MRE11: variants seen among roughly 807,000 people sequenced by gnomAD.
MRE11 encodes the protein MRE11 double strand break repair nuclease.
MRE11 carries 62 observed loss-of-function variants against 91.7 expected under a neutral mutation model. The observed-to-expected ratio is 0.68, with a 90% CI of 0.55 to 0.84. MRE11 has a LOEUF of 0.84. Ranked by LOEUF, MRE11 falls within the 40% of genes least tolerant of loss-of-function variation. The pLI, the probability that MRE11 is intolerant of heterozygous loss-of-function variation, is 0.00. For synonymous variants in MRE11, 273 were observed against 271.4 expected, an observed-to-expected ratio of 1.01 and a Z score of -0.06; for missense variants, 796 against 852.9, an observed-to-expected ratio of 0.93 and a Z score of 0.83.
chr11:94,419,443 G>C lies in MRE11; in HGVS notation c.*682C>G. 4.4e-6 allele frequency: 1 copy of C among 229,528 alleles called. No homozygotes were observed. The highest frequency in any genetic ancestry group is 6.1e-5 in the East Asian group (1 of 16,376). The allele number at this position is 229,528 out of a possible 1,614,324, so 14.2% of individuals were successfully genotyped here. On this transcript the variant is annotated 3_prime_UTR_variant, in exon 20 of 20. Transcript: ENST00000323929. ...GAAGAAAAAGCAAAGGAGAAAGGAA[G>C]AGTGGGGAACGGGGGGGAGAGGGAG...
chr11:94,498,348 A>G (rs1294331063), upstream of MRE11: 2 of 1,613,522 alleles, frequency 1.2e-6, no homozygotes, highest in African/African-American at 1.3e-5. Context: ...ACCCCCTTGC[A>G]TCTTGCTGCT....
At chr11:94,471,352 C>G (rs1357304106) in intron 8 of MRE11, among the ~76,000 whole-genome samples, 2 of 151,910 alleles carry the variant, frequency 1.3e-5, no homozygotes, top group South Asian at 4.1e-4. Context: ...GCCTAATGAG[C>G]AGCAAAATAA....
chr11:94,482,652 G>A (rs763813811), intron 4 of MRE11, among the ~76,000 whole-genome samples: 23 of 152,196 alleles, frequency 1.5e-4, no homozygotes, highest in Non-Finnish European at 2.4e-4. Flanking sequence ...AAAATGTCCC[G>A]GCTGGGTGTG....
chr11:94,438,412 T>C (rs1185037229), intron 16 of MRE11, among the ~76,000 whole-genome samples: 1 of 152,188 alleles, frequency 6.6e-6, no homozygotes, highest in Non-Finnish European at 1.5e-5. Context: ...ACTTGTAATA[T>C]CTAAGAGGAG....
intron 3 of MRE11, among the ~76,000 whole-genome samples, chr11:94,490,408 A>AT (rs910196190): frequency 1.3e-5 from 2 of 151,940 alleles, no homozygotes; most frequent in Non-Finnish European, 2.9e-5. Context: ...TCTAAACGTG[A>AT]TTTTTTCTGC....
chr11:94,450,689 A>G (rs1405442654), intron 14 of MRE11, among the ~76,000 whole-genome samples: 1 of 152,196 alleles, frequency 6.6e-6, no homozygotes, highest in Non-Finnish European at 1.5e-5. Flanking sequence ...ACTGAACATC[A>G]CAACATATGA....
intron 13 of MRE11, among the ~76,000 whole-genome samples, chr11:94,458,584 T>C (rs188091136): frequency 6.6e-6 from 1 of 152,286 alleles, no homozygotes; most frequent in East Asian, 1.9e-4. Context: ...ACTATTTTCA[T>C]AGGGAAATTT....
chr11:94,477,619 G>A (rs1243202236), intron 6 of MRE11, among the ~76,000 whole-genome samples: 3 of 152,160 alleles, frequency 2.0e-5, no homozygotes, highest in African/African-American at 7.2e-5. Flanking sequence ...ACATGGCTGA[G>A]GTGGAATGTA....
upstream of MRE11, chr11:94,497,924 A>T: frequency 3.2e-6 from 2 of 629,754 alleles, no homozygotes; most frequent in Non-Finnish European, 5.3e-6. Flanking sequence ...CCCCAAAAAG[A>T]GATCTTAAAT....
At chr11:94,497,852 T>C (rs1387939326), upstream of MRE11, 2 of 477,018 alleles carry the variant, frequency 4.2e-6, no homozygotes, top group Non-Finnish European at 7.4e-6. Flanking sequence ...AATCTCATTC[T>C]TAGAAGCAAC....
intron 7 of MRE11, among the ~76,000 whole-genome samples, chr11:94,474,917 G>A (rs1433097682): frequency 6.6e-6 from 1 of 152,166 alleles, no homozygotes; most frequent in Non-Finnish European, 1.5e-5. Flanking sequence ...CTATGGAAGA[G>A]AAGGAACAAA....
chr11:94,467,563 G>C (rs1190555706), intron 10 of MRE11, among the ~76,000 whole-genome samples: 1 of 152,144 alleles, frequency 6.6e-6, no homozygotes, highest in Non-Finnish European at 1.5e-5. Context: ...TAAAGATGAA[G>C]CCAGAGAGCT....
rs1184260546 is a variant in MRE11, at chr11:94,470,730, T to TA, written c.846-89dup. Reference sequence around the variant, plus strand: ...GAAAGCTTTCATATTTCTTAGTTTCTAAAAATGCTTCTTTATAAAATCATA... The same window carrying TA: ...GAAAGCTTTCATATTTCTTAGTTTCTAAAAAATGCTTCTTTATAAAATCATA... On this transcript the variant is annotated intron_variant, in intron 8 of 19. Transcript: ENST00000323929. 28 of 1,314,978 alleles carry TA rather than the reference T, an allele frequency of 2.1e-5. No homozygotes were observed. The South Asian group carries it at 3.4e-4, about 16-fold the overall frequency. 81.5% of individuals were successfully genotyped at this position (1,314,978 alleles called of 1,614,324 possible). A position where few individuals can be genotyped will look rare whatever the true frequency, so the allele number is the denominator to read the frequency against.
Position 94,490,880 on chromosome 11 carries a change from T to C in MRE11, c.106A>G (p.Thr36Ala), listed in dbSNP as rs774330292. The stretch of plus-strand genomic sequence containing the variant: ...AAAATTTCATCGAGTGTTACAAACG[T>C]ATCATTTCCTCTGACTGCATCTTTC... ...MEKDAVRGND[T>A]FVTLDEILRL... The change falls in exon 3 of 20, where the codon ACG (threonine) becomes GCG (alanine). Residue 36 changes from threonine to alanine, a missense_variant. By Grantham distance (58) the Thr-to-Ala change is moderately conservative. Coordinates refer to ENST00000323929, the MANE Select transcript of MRE11 (RefSeq NM_005591.4). 5.6e-6 allele frequency: 9 copies of C among 1,612,874 alleles called. No homozygotes were observed. In the East Asian group the frequency reaches 1.1e-4, roughly 20 times the overall value.
At chr11:94,467,713 T>C (rs992662057) in intron 10 of MRE11, 100 bp downstream of exon 10, 30 of 1,019,158 alleles carry the variant, frequency 2.9e-5, no homozygotes, top group Admixed American at 5.5e-5. Context: ...TTCTTATTAC[T>C]ATGAGCACTC....
At chr11:94,452,025 G>A (rs1300280187) in intron 14 of MRE11, among the ~76,000 whole-genome samples, 2 of 152,026 alleles carry the variant, frequency 1.3e-5, no homozygotes, top group African/African-American at 2.4e-5. Flanking sequence ...GACCACCATG[G>A]TGAAACCCTG....
intron 19 of MRE11, among the ~76,000 whole-genome samples, chr11:94,426,283 AATTC>A (rs1258148942): frequency 1.2e-4 from 19 of 152,264 alleles, no homozygotes; most frequent in African/African-American, 3.6e-4. Context: ...AATTAATAAA[AATTC>A]ATTCATTAAT....
At chr11:94,464,617 C>T (rs982036751) in intron 10 of MRE11, among the ~76,000 whole-genome samples, 1 of 152,056 alleles carries the variant, frequency 6.6e-6, no homozygotes, top group African/African-American at 2.4e-5. Flanking sequence ...AAAATACTAG[C>T]CTTAAATGCA....
At chr11:94,456,727 C>G (rs1242601629) in intron 13 of MRE11, among the ~76,000 whole-genome samples, 2 of 152,154 alleles carry the variant, frequency 1.3e-5, no homozygotes, top group Non-Finnish European at 2.9e-5. Flanking sequence ...CACCTTGCTG[C>G]AAGACATCCA....
Sources: allele counts gnomAD v4.1 joint callset (sites outside exome capture counted in the v4.1 genomes callset), GRCh38; gene constraint gnomAD v4.1.1; transcripts MANE v1.5; gene names NCBI Gene and HGNC (gene_info 2026-07-23, HGNC 2026-07-21).